Variants in XRN2 observed in about 807,000 individuals in gnomAD.
XRN2 encodes DHM1-like protein.
Under a neutral mutation model 138.5 loss-of-function variants are expected in XRN2, and 44 were observed. The ratio of observed to expected loss-of-function variants is 0.32; its 90% CI spans 0.25 to 0.41. XRN2 has a LOEUF of 0.41. Ranked by LOEUF, XRN2 falls within the 10% of genes least tolerant of loss-of-function variation. The pLI is 1.00. For synonymous variants in XRN2, 354 were observed against 369.4 expected, an observed-to-expected ratio of 0.96 and a Z score of 0.48; for missense variants, 937 against 1,169.3, an observed-to-expected ratio of 0.80 and a Z score of 2.90.
chr20:21,385,678 G>A (rs1270763508), intron 28 of XRN2, among the ~76,000 whole-genome samples: 4 of 152,128 alleles, frequency 2.6e-5, no homozygotes, highest in Non-Finnish European at 5.9e-5. Context: ...ATAAAAAGAA[G>A]GCAAGCTCCA....
At chr20:21,319,965 A>G (rs985861310) in intron 1 of XRN2, among the ~76,000 whole-genome samples, 2 of 152,222 alleles carry the variant, frequency 1.3e-5, no homozygotes, top group African/African-American at 4.8e-5. Flanking sequence ...GAGGGAAAAT[A>G]TACTTGTGCT....
chr20:21,337,600 A>T (rs532728121), intron 13 of XRN2, among the ~76,000 whole-genome samples: 22 of 152,176 alleles, frequency 1.4e-4, no homozygotes, highest in African/African-American at 5.3e-4. Flanking sequence ...AAGTGGAGAG[A>T]TCCAAGTACT....
intron 23 of XRN2, 33 bp from the exon 24 acceptor site, chr20:21,357,703 C>T: frequency 6.5e-7 from 1 of 1,542,866 alleles, no homozygotes; most frequent in Admixed American, 1.9e-5. Flanking sequence ...TTACAGTTTA[C>T]AGAGAGATGT....
intron 20 of XRN2, among the ~76,000 whole-genome samples, chr20:21,354,059 C>T (rs1416089177): frequency 6.6e-6 from 1 of 151,806 alleles, no homozygotes; most frequent in African/African-American, 2.4e-5. Context: ...AATATATACG[C>T]TTCAATAACT....
chr20:21,345,361 T>A (rs1170548842), intron 16 of XRN2, among the ~76,000 whole-genome samples: 1 of 152,222 alleles, frequency 6.6e-6, no homozygotes, highest in Non-Finnish European at 1.5e-5. Flanking sequence ...ATTAACCTTT[T>A]CTGTAAAATA....
chr20:21,377,561 G>GT (rs5840914), intron 27 of XRN2, among the ~76,000 whole-genome samples: 135,395 of 147,868 alleles, frequency 0.92, 62,117 homozygotes, highest in Non-Finnish European at 0.95. Context: ...TCCGGCCTGT[G>GT]TTTTTTTTTT....
intron 27 of XRN2, among the ~76,000 whole-genome samples, chr20:21,369,294 T>C (rs1467318784): frequency 1.3e-5 from 2 of 152,236 alleles, no homozygotes; most frequent in Non-Finnish European, 2.9e-5. Context: ...ATGTACCACA[T>C]TTTATTTATC....
intron 27 of XRN2, among the ~76,000 whole-genome samples, chr20:21,372,002 T>G (rs1026282839): frequency 1.3e-5 from 2 of 152,254 alleles, no homozygotes; most frequent in Admixed American, 6.5e-5. Context: ...GTTATTAGAT[T>G]TAATGTGTAC....
chr20:21,386,075 ATTAAG>A (rs1289197688), intron 28 of XRN2, among the ~76,000 whole-genome samples: 1 of 152,232 alleles, frequency 6.6e-6, no homozygotes, highest in Non-Finnish European at 1.5e-5. Context: ...ACAGTTTTTA[ATTAAG>A]TTATGATTTA....
chr20:21,331,399 T>TCTCACA (rs1318363372), intron 6 of XRN2, among the ~76,000 whole-genome samples, 162 bp from the exon 7 acceptor site: 1 of 143,952 alleles, frequency 6.9e-6, no homozygotes, highest in Non-Finnish European at 1.5e-5. Flanking sequence ...TTGGTGTTTT[T>TCTCACA]CACACACACA....
intron 8 of XRN2, 90 bp from the exon 9 acceptor site, chr20:21,332,193 T>A: frequency 6.8e-7 from 1 of 1,479,968 alleles, no homozygotes; most frequent in Non-Finnish European, 9.0e-7. Flanking sequence ...CATTTGGGCT[T>A]TTCTTTGTGT....
intron 27 of XRN2, among the ~76,000 whole-genome samples, chr20:21,377,639 A>G (rs907985025): frequency 6.4e-4 from 98 of 152,008 alleles, no homozygotes; most frequent in African/African-American, 2.2e-3. Flanking sequence ...TCTAGATTCA[A>G]TATTTGTGTA....
chr20:21,323,174 A>G (rs1389290109), intron 1 of XRN2, among the ~76,000 whole-genome samples: 1 of 152,090 alleles, frequency 6.6e-6, no homozygotes, highest in African/African-American at 2.4e-5. Context: ...ATCTCTTCTC[A>G]CATGTTGGAG....
At chr20:21,303,683 G>T (rs1039346316) in intron 1 of XRN2, 138 of 1,323,674 alleles carry the variant, frequency 1.0e-4, no homozygotes, top group Non-Finnish European at 1.2e-4. Flanking sequence ...GACCCTCGGC[G>T]GGGCAAGGGC....
intron 24 of XRN2, among the ~76,000 whole-genome samples, chr20:21,360,839 C>G (rs6047397): frequency 6.6e-6 from 1 of 152,092 alleles, no homozygotes; most frequent in Non-Finnish European, 1.5e-5. Flanking sequence ...GTTTCACTTT[C>G]GATGCTTAAT....
rs200469535 is a variant in XRN2, at chr20:21,340,805, A to G, written c.1363A>G (p.Ser455Gly). Residue 455 changes from serine to glycine, a missense_variant, in exon 15 of 30, where the codon AGT becomes GGT. Coordinates refer to ENST00000377191, the MANE Select transcript of XRN2 (RefSeq NM_012255.5). Reference sequence around the variant, plus strand: ...AAATTCACCAGGTTCTCAAGTAGCCAGTAATCCGAGACAAGCAGCCTATGA... The same window carrying G: ...AAATTCACCAGGTTCTCAAGTAGCCGGTAATCCGAGACAAGCAGCCTATGA... ...SRNSPGSQVA[S>G]NPRQAAYEMR... 953 of 1,613,940 alleles carry G rather than the reference A, an allele frequency of 5.9e-4. No homozygotes were observed. Among genetic ancestry groups the G allele is most frequent in the Non-Finnish European group, 7.5e-4 (884 of 1,179,922 alleles).
chr20:21,328,555 T>G lies in XRN2; in HGVS notation c.316-4T>G. Reference sequence around the variant, plus strand: ...GTGTTATGGAATATGAAATACATTTTCAGGCACCACGTGCTAAAATGAACC... The same window carrying G: ...GTGTTATGGAATATGAAATACATTTGCAGGCACCACGTGCTAAAATGAACC... On this transcript the variant is annotated splice_polypyrimidine_tract_variant and splice_region_variant and intron_variant, in intron 3 of 29. Transcript: ENST00000377191. 6.2e-7 allele frequency: 1 copy of G among 1,612,720 alleles called. No individual in the cohort carries two copies.
intron 15 of XRN2, among the ~76,000 whole-genome samples, chr20:21,343,056 C>G (rs1466214213): frequency 1.3e-5 from 2 of 151,890 alleles, no homozygotes; most frequent in African/African-American, 2.4e-5. Flanking sequence ...TTTTCTTGAC[C>G]TGTGGTATGA....
intron 13 of XRN2, among the ~76,000 whole-genome samples, chr20:21,337,489 A>G (rs547236371): frequency 2.0e-5 from 3 of 152,270 alleles, no homozygotes; most frequent in Non-Finnish European, 4.4e-5. Context: ...AGATAGCCAA[A>G]TGGAGATGCT....
Sources: gnomAD v4.1 joint callset for allele counts (sites outside exome capture counted in the v4.1 genomes callset) on GRCh38, gnomAD v4.1.1 for gene constraint, MANE v1.5 for transcripts, NCBI Gene and HGNC (gene_info 2026-07-23, HGNC 2026-07-21) for gene names.